Variants in SLC36A4 observed in about 807,000 individuals in gnomAD.
SLC36A4 encodes the protein solute carrier family 36 member 4.
SLC36A4 carries 49 observed loss-of-function variants against 50.5 expected under a neutral mutation model. The ratio of observed to expected loss-of-function variants is 0.97; its 90% CI spans 0.77 to 1.23. The LOEUF (loss-of-function observed/expected upper bound fraction) is 1.23, where lower values mean the gene tolerates loss of function less well. SLC36A4 is among the 50% of genes most tolerant of loss of function. The pLI, the probability that SLC36A4 is intolerant of heterozygous loss-of-function variation, is 0.00. For missense variants in SLC36A4, 611 were observed against 608.4 expected (o/e 1.00, Z -0.05); for synonymous variants, 207 against 206.5 (o/e 1.00, Z -0.02).
At chr11:93,197,164 G>C (rs1469659916) in intron 1 of SLC36A4, 1 of 152,600 alleles carries the variant, frequency 6.6e-6, no homozygotes, top group Non-Finnish European at 1.5e-5. Context: ...AACTGGGAGA[G>C]CGATCATTTT....
At position 93,146,877 on chromosome 11, in the gene SLC36A4, T is replaced by C. The variant is rs1008136666; in HGVS notation, c.*1660A>G. On this transcript the variant is annotated 3_prime_UTR_variant, in exon 11 of 11. Transcript: ENST00000326402. ...AAAATATGGAATAATTAGAAGTTAT[T>C]TGTCTGAAAGAAGCCTGGAGTGTCT... 2.6e-5 allele frequency: 4 copies of C among 152,110 alleles called. No individual in the cohort carries two copies. Among genetic ancestry groups the C allele is most frequent in the African/African-American group, 9.7e-5 (4 of 41,444 alleles). The allele number at this position is 152,110 out of a possible 1,614,324, so 9.4% of individuals were successfully genotyped here.
rs1860869153 is a variant in SLC36A4 at position 93,166,421 on chromosome 11, T to C, written c.769-405A>G. The stretch of plus-strand genomic sequence containing the variant: ...TAGCAGAAATTCATTCTCCACTCTA[T>C]TTTTATTGCTCTTTCAGTTCTCTAA... On this transcript the variant is annotated intron_variant, in intron 7 of 10. Transcript: ENST00000326402. 3 of 990,846 alleles carry C rather than the reference T, an allele frequency of 3.0e-6. No homozygotes were observed. The South Asian group carries it at 1.4e-4, about 46-fold the overall frequency. The allele number at this position is 990,846 out of a possible 1,614,324, so 61.4% of individuals were successfully genotyped here.
chr11:93,150,750 CAT>C (rs1860048954), intron 10 of SLC36A4, among the ~76,000 whole-genome samples: 1 of 152,024 alleles, frequency 6.6e-6, no homozygotes. Context: ...AACTCTCAAA[CAT>C]AGTTAGGACC....
intron 10 of SLC36A4, 106 bp from the exon 11 acceptor site, chr11:93,148,950 A>T (rs1565212705): frequency 1.8e-6 from 2 of 1,125,884 alleles, no homozygotes; most frequent in East Asian, 2.6e-5. Flanking sequence ...AGAAATAATT[A>T]ATGAAAGTTG....
At position 93,178,493 on chromosome 11, in the gene SLC36A4, AC is replaced by A. The variant is rs556741055; in HGVS notation, c.540+2303del. ...GTGTCGCTCAAGCTTGGAGCTGTAG[AC>A]TGGCGCTGTTCCTATTGGTCATCTT... On this transcript the variant is annotated intron_variant, in intron 6 of 10. Coordinates refer to ENST00000326402, the MANE Select transcript of SLC36A4 (RefSeq NM_152313.4). Among the ~76,000 whole-genome samples, 11 of 152,262 alleles carry A rather than the reference AC, an allele frequency of 7.2e-5. No individual in the cohort carries two copies. In the South Asian group the frequency reaches 2.3e-3, roughly 32 times the overall value.
At chr11:93,178,475 T>C (rs1361095540) in intron 6 of SLC36A4, among the ~76,000 whole-genome samples, 1 of 152,186 alleles carries the variant, frequency 6.6e-6, no homozygotes, top group Non-Finnish European at 1.5e-5. Context: ...TCTGTGTCGC[T>C]CAAGCTTGGA....
In SLC36A4 at chr11:93,182,843, G is replaced by C; in HGVS notation, c.322C>G (p.His108Asp). ...AAGTGACTGCAACGTACCAATATGT[G>C]CATACAGTGAACAGAAATAATTCCT... is the stretch of plus-strand genomic sequence containing the variant. ...FIGIISVHCM[H>D]ILVRCSHFLC... Residue 108 changes from histidine (H) to aspartate (D), a missense_variant, in exon 4 of 11, where the codon CAC (histidine) becomes GAC (aspartate). By Grantham distance (81) the His-to-Asp change is moderately conservative. Coordinates refer to ENST00000326402, the MANE Select transcript of SLC36A4 (RefSeq NM_152313.4). 1.2e-6 allele frequency: 2 copies of C among 1,612,838 alleles called. No individual in the cohort carries two copies.
At chr11:93,187,856 A>C (rs2134705286) in intron 1 of SLC36A4, among the ~76,000 whole-genome samples, 1 of 152,070 alleles carries the variant, frequency 6.6e-6, no homozygotes, top group Non-Finnish European at 1.5e-5. Context: ...TGCTCTATTT[A>C]TCTCTCACCT....
intron 1 of SLC36A4, among the ~76,000 whole-genome samples, chr11:93,195,613 A>T (rs1862386749): frequency 6.6e-6 from 1 of 152,132 alleles, no homozygotes; most frequent in Admixed American, 6.5e-5. Context: ...CTCTGTTCAA[A>T]CCCTGCATTG....
At chr11:93,150,801 G>A (rs1860051325) in intron 10 of SLC36A4, among the ~76,000 whole-genome samples, 1 of 152,000 alleles carries the variant, frequency 6.6e-6, no homozygotes, top group African/African-American at 2.4e-5. Flanking sequence ...GTGGAGACAT[G>A]TTTGTTTCAC....
chr11:93,178,261 G>A (rs1197984291), intron 6 of SLC36A4, among the ~76,000 whole-genome samples: 1 of 152,106 alleles, frequency 6.6e-6, no homozygotes, highest in Non-Finnish European at 1.5e-5. Flanking sequence ...GCATTATTAG[G>A]GTGGGAGTGT....
Position 93,184,471 on chromosome 11 carries a change from G to A in SLC36A4, c.229C>T (p.Leu77Phe), listed in dbSNP as rs762420396. The A allele has an allele frequency of 1.2e-6, 2 of 1,612,242 alleles. No individual in the cohort carries two copies. The highest frequency in any genetic ancestry group is 1.7e-6 in the Non-Finnish European group (2 of 1,178,730). ...HLLKGNIGTG[L>F]LGLPLAIKNA... is the part of the protein sequence containing the mutation. ...TTTATTGCCAATGGAAGTCCTAAAAGGCCAGTTCCAATATTTCCTTTAAGA... is the reference window on the plus strand; with the variant it reads ...TTTATTGCCAATGGAAGTCCTAAAAAGCCAGTTCCAATATTTCCTTTAAGA... The change falls in exon 3 of 11, where the codon CTT (leucine) becomes TTT (phenylalanine). Residue 77 changes from leucine to phenylalanine, a missense_variant. Physicochemically the swap from Leu to Phe is conservative, Grantham distance 22 (BLOSUM62 0). Transcript: ENST00000326402.
intron 9 of SLC36A4, among the ~76,000 whole-genome samples, chr11:93,161,294 A>C (rs1860606614): frequency 6.6e-6 from 1 of 152,236 alleles, no homozygotes; most frequent in African/African-American, 2.4e-5. Context: ...AAGGCAATAA[A>C]ATTATATAAT....
chr11:93,184,456 A>G lies in SLC36A4; in HGVS notation c.244T>C (p.Leu82=). ...NIGTGLLGLP[L]AIKNAGIVLG... ...ACTATGCCTGCATTTTTTATTGCCA[A>G]TGGAAGTCCTAAAAGGCCAGTTCCA... The change falls in exon 3 of 11, where the codon TTG becomes CTG. Residue 82 remains leucine (L), a synonymous_variant. Coordinates refer to ENST00000326402, the MANE Select transcript of SLC36A4 (RefSeq NM_152313.4). 6.2e-7 allele frequency: 1 copy of G among 1,610,938 alleles called. No individual in the cohort carries two copies. Among genetic ancestry groups the G allele is most frequent in the Non-Finnish European group, 8.5e-7 (1 of 1,177,432 alleles).
chr11:93,197,461 G>A, intron 1 of SLC36A4: 1 of 453,862 alleles, frequency 2.2e-6, no homozygotes, highest in Non-Finnish European at 3.9e-6. Context: ...AAAAAACCGT[G>A]AGTCACGGCG....
At chr11:93,166,169 CTG>C in intron 7 of SLC36A4, 153 bp from the exon 8 acceptor site, 1 of 1,305,566 alleles carries the variant, frequency 7.7e-7, no homozygotes, top group East Asian at 2.7e-5. Flanking sequence ...AAAGCATCCT[CTG>C]TTAAATGTAG....
chr11:93,181,822 A>G (rs1182839069), intron 4 of SLC36A4, 36 bp from the exon 5 acceptor site: 5 of 1,490,208 alleles, frequency 3.4e-6, no homozygotes, highest in Non-Finnish European at 4.5e-6. Context: ...AGGAAAAAAG[A>G]AAAATTTTAA....
chr11:93,157,095 T>C (rs1860401389), intron 9 of SLC36A4, among the ~76,000 whole-genome samples: 2 of 152,212 alleles, frequency 1.3e-5, no homozygotes, highest in African/African-American at 4.8e-5. Context: ...ATTTATTGAA[T>C]AGCGAATCCT....
intron 9 of SLC36A4, chr11:93,160,428 C>A: frequency 1.0e-6 from 1 of 985,304 alleles, no homozygotes; most frequent in Non-Finnish European, 1.2e-6. Context: ...TCTAATGGTC[C>A]CTTTTAAATC....
Sources: gnomAD v4.1 joint callset for allele counts (sites outside exome capture counted in the v4.1 genomes callset) on GRCh38, gnomAD v4.1.1 for gene constraint, MANE v1.5 for transcripts, NCBI Gene and HGNC (gene_info 2026-07-23, HGNC 2026-07-21) for gene names.